Variants in AVEN observed in about 807,000 individuals in gnomAD.
AVEN encodes apoptosis and caspase activation inhibitor.
In AVEN, 41 loss-of-function variants were observed where a neutral mutation model predicts 38.1. That is an observed-to-expected ratio of 1.08 (90% CI 0.84 to 1.40). AVEN has a LOEUF of 1.40. Ranked by LOEUF, AVEN falls within the 40% of genes most tolerant of loss-of-function variation. The pLI, the probability that AVEN is intolerant of heterozygous loss-of-function variation, is 0.00. For missense variants in AVEN, 605 were observed against 438.8 expected (o/e 1.38, Z -3.38); for synonymous variants, 206 against 171.8 (o/e 1.20, Z -1.56).
intron 2 of AVEN, among the ~76,000 whole-genome samples, chr15:33,976,660 T>C (rs951442846): frequency 2.0e-5 from 3 of 151,992 alleles, no homozygotes; most frequent in African/African-American, 4.8e-5. Context: ...TAATGGTATA[T>C]CTCCATTTAA....
chr15:33,964,809 T>G (rs1895325565), intron 2 of AVEN, among the ~76,000 whole-genome samples: 1 of 152,198 alleles, frequency 6.6e-6, no homozygotes, highest in Non-Finnish European at 1.5e-5. Flanking sequence ...CTCCAGGTTA[T>G]CTAAGATCTC....
intron 2 of AVEN, among the ~76,000 whole-genome samples, chr15:33,966,465 T>C (rs1895388402): frequency 6.6e-6 from 1 of 152,284 alleles, no homozygotes; most frequent in Non-Finnish European, 1.5e-5. Context: ...ACATGACGTA[T>C]GACAAGAGAT....
intron 5 of AVEN, among the ~76,000 whole-genome samples, chr15:34,057,069 T>G (rs1363093788): frequency 6.6e-6 from 1 of 152,074 alleles, no homozygotes; most frequent in Non-Finnish European, 1.5e-5. Context: ...TATTGCCTTA[T>G]TATTTTACCC....
At chr15:34,000,629 A>T (rs1201224728) in intron 2 of AVEN, among the ~76,000 whole-genome samples, 1 of 152,266 alleles carries the variant, frequency 6.6e-6, no homozygotes, top group East Asian at 1.9e-4. Context: ...CAGCTTACCT[A>T]GAAAACACTG....
intron 5 of AVEN, among the ~76,000 whole-genome samples, chr15:34,053,319 A>AAATATATATATATAT (rs775436850): frequency 5.2e-4 from 22 of 42,068 alleles, no homozygotes; most frequent in African/African-American, 1.7e-3. Context: ...AAAAAAAAAA[A>AAATATATATATATAT]ATATATATAT....
intron 2 of AVEN, among the ~76,000 whole-genome samples, chr15:33,887,120 A>AT (rs1432775657): frequency 6.6e-6 from 1 of 152,162 alleles, no homozygotes; most frequent in Non-Finnish European, 1.5e-5. Context: ...ATGTAAGATA[A>AT]TTTTTTTCGG....
At position 34,005,247 on chromosome 15, in the gene AVEN, G is replaced by A. The variant is rs117994132; in HGVS notation, c.268-2038C>T. On this transcript the variant is annotated intron_variant, in intron 1 of 5. Coordinates refer to ENST00000306730, the MANE Select transcript of AVEN (RefSeq NM_020371.3). ...ACATCCAGGCTAGTTCCAAATTTCC[G>A]TAACCCAAAAAATGTCCTATACAGC... 5.9e-3 allele frequency among the ~76,000 whole-genome samples: 901 copies of A among 151,750 alleles called. 20 individuals carry two copies. The highest frequency in any genetic ancestry group is 0.042 in the Admixed American group (637 of 15,236).
upstream of AVEN, among the ~76,000 whole-genome samples, chr15:34,043,021 G>A (rs554087376): frequency 1.3e-5 from 2 of 152,084 alleles, no homozygotes; most frequent in South Asian, 4.1e-4. Context: ...GCCGAGGTGG[G>A]TGGATCACGA....
chr15:33,938,846 G>A (rs967198149), intron 2 of AVEN, among the ~76,000 whole-genome samples: 1 of 151,428 alleles, frequency 6.6e-6, no homozygotes, highest in African/African-American at 2.4e-5. Context: ...TTTTTTTTGT[G>A]GGGGATTGGC....
chr15:34,042,035 C>T (rs573084087), upstream of AVEN, among the ~76,000 whole-genome samples: 17 of 152,268 alleles, frequency 1.1e-4, no homozygotes, highest in Admixed American at 9.8e-4. Flanking sequence ...TCCTAATTAG[C>T]GGACACAACT....
At chr15:33,907,894 T>C (rs952129677) in intron 2 of AVEN, among the ~76,000 whole-genome samples, 5 of 151,102 alleles carry the variant, frequency 3.3e-5, no homozygotes, top group Non-Finnish European at 7.4e-5. Flanking sequence ...AATCTTGGAG[T>C]GAAGAAGACC....
intron 2 of AVEN, among the ~76,000 whole-genome samples, chr15:33,899,747 T>C (rs1248096183): frequency 6.6e-6 from 1 of 152,122 alleles, no homozygotes; most frequent in African/African-American, 2.4e-5. Context: ...ATGACAGGCA[T>C]GAGCCACCGC....
chr15:33,868,061 T>A (rs944805548), intron 4 of AVEN, among the ~76,000 whole-genome samples: 2 of 152,124 alleles, frequency 1.3e-5, no homozygotes, highest in African/African-American at 2.4e-5. Context: ...CACTGAAACA[T>A]GCCAGCACTG....
intron 5 of AVEN, among the ~76,000 whole-genome samples, chr15:34,049,888 CTTTTTT>C (rs61235689): frequency 1.5e-5 from 2 of 137,100 alleles, no homozygotes; most frequent in Admixed American, 1.5e-4. Context: ...TCAACATCAA[CTTTTTT>C]TTTTTTTTTT....
intron 2 of AVEN, among the ~76,000 whole-genome samples, chr15:33,892,628 T>C (rs1247440077): frequency 2.6e-5 from 4 of 152,196 alleles, no homozygotes. Context: ...GGTAGCCTTG[T>C]AGTATAGTTT....
downstream of AVEN, chr15:33,858,077 A>C (rs2079891752): frequency 1.4e-5 from 13 of 925,288 alleles, no homozygotes; most frequent in Non-Finnish European, 1.9e-5. Context: ...TTCTCCAAAC[A>C]GGAGAGTGTC....
chr15:33,937,932 CAAAAAAAAAAAAAAAA>C (rs55887919), intron 2 of AVEN, among the ~76,000 whole-genome samples: 1 of 100,854 alleles, frequency 9.9e-6, no homozygotes. Context: ...CCTACTTGAC[CAAAAAAAAAAAAAAAA>C]AAAAAAAAAA....
intron 2 of AVEN, among the ~76,000 whole-genome samples, chr15:33,883,116 G>A (rs1323718430): frequency 1.3e-5 from 2 of 152,172 alleles, no homozygotes; most frequent in South Asian, 2.1e-4. Context: ...GAAGACAAGC[G>A]TAGTTGCTGA....
At chr15:33,927,201 G>C (rs1893646070) in intron 2 of AVEN, among the ~76,000 whole-genome samples, 1 of 151,760 alleles carries the variant, frequency 6.6e-6, no homozygotes, top group East Asian at 2.0e-4. Context: ...CTTGCAGTGA[G>C]CCAAGATCAT....
Sources: gnomAD v4.1 joint callset for allele counts (sites outside exome capture counted in the v4.1 genomes callset) on GRCh38, gnomAD v4.1.1 for gene constraint, MANE v1.5 for transcripts, NCBI Gene and HGNC (gene_info 2026-07-23, HGNC 2026-07-21) for gene names.